Variants in DDX19A observed in about 807,000 individuals in gnomAD.
DDX19A encodes ATP-dependent RNA helicase DDX19A.
Under a neutral mutation model 60.6 loss-of-function variants are expected in DDX19A, and 12 were observed. The ratio of observed to expected loss-of-function variants is 0.20; its 90% CI spans 0.13 to 0.32. The LOEUF is 0.32. DDX19A is among the 10% of genes least tolerant of loss of function. The pLI, the probability that DDX19A is intolerant of heterozygous loss-of-function variation, is 1.00. For missense variants in DDX19A, 337 were observed against 600.6 expected (o/e 0.56, Z 4.59); for synonymous variants, 206 against 218.2 (o/e 0.94, Z 0.49).
chr16:70,365,200 C>G (rs533521616), intron 7 of DDX19A, 69 bp downstream of exon 7: 3 of 1,025,710 alleles, frequency 2.9e-6, no homozygotes, highest in East Asian at 4.8e-5. Flanking sequence ...TTTGAAGATG[C>G]GATGACCGTA....
At chr16:70,364,965 G>T in intron 6 of DDX19A, 52 bp from the exon 7 acceptor site, 1 of 1,456,692 alleles carries the variant, frequency 6.9e-7, no homozygotes. Context: ...GTGCCTTCAG[G>T]TCTGTTACCA....
At chr16:70,366,978 A>T in intron 9 of DDX19A, 117 bp downstream of exon 9, 1 of 1,228,852 alleles carries the variant, frequency 8.1e-7, no homozygotes, top group Non-Finnish European at 1.2e-6. Context: ...CTTTTTGAAG[A>T]TGTAAGAGAC....
chr16:70,354,393 C>T lies in DDX19A; in HGVS notation c.107-1092C>T, dbSNP rs1341360122. Among the ~76,000 whole-genome samples the T allele has an allele frequency of 5.9e-5, 9 of 152,128 alleles. No individual in the cohort carries two copies. In the East Asian group the frequency reaches 9.7e-4, roughly 16 times the overall value. On this transcript the variant is annotated intron_variant, in intron 2 of 11. Transcript: ENST00000302243. ...AACTCCCGACCTCAGGTGATCCACC[C>T]GCCTCAGCCTCCCAAAGTGCTGGAA...
chr16:70,355,412 A>C, intron 2 of DDX19A, 73 bp from the exon 3 acceptor site: 1 of 1,046,880 alleles, frequency 9.6e-7, no homozygotes, highest in Non-Finnish European at 1.5e-6. Context: ...CAGTGTATTT[A>C]TTTATATTGT....
At chr16:70,353,328 T>G (rs1464179223) in intron 2 of DDX19A, among the ~76,000 whole-genome samples, 1 of 151,898 alleles carries the variant, frequency 6.6e-6, no homozygotes, top group African/African-American at 2.4e-5. Flanking sequence ...TTACCCAGAC[T>G]GCTCTTGAAC....
rs750069313 is a variant in DDX19A, at chr16:70,371,463, G to T, written c.1275G>T (p.Arg425=). ...GNPDNETYLH[R]IGRTGRFGKR... ...CTGACAATGAGACCTACCTGCACCG[G>T]ATCGGGCGCACGGGCCGCTTTGGCA... The change falls in exon 11 of 12, where the codon CGG becomes CGT. Residue 425 remains arginine, a synonymous_variant. Transcript: ENST00000302243. The T allele has an allele frequency of 6.2e-7, 1 of 1,611,132 alleles. No individual in the cohort carries two copies. Among genetic ancestry groups the T allele is most frequent in the East Asian group, 2.2e-5 (1 of 44,848 alleles).
chr16:70,364,498 G>A, intron 5 of DDX19A, 45 bp from the exon 6 acceptor site: 1 of 1,424,938 alleles, frequency 7.0e-7, no homozygotes, highest in Non-Finnish European at 9.9e-7. Context: ...ACATGTTACT[G>A]AGTTTCACCA....
chr16:70,362,340 C>CA (rs566741768), intron 5 of DDX19A, among the ~76,000 whole-genome samples: 1,246 of 45,264 alleles, frequency 0.028, 17 homozygotes, highest in Middle Eastern at 0.034. Flanking sequence ...GACTCTGTCT[C>CA]AAAAAAAAAA....
chr16:70,366,332 G>C (rs537134667), intron 8 of DDX19A, 70 bp downstream of exon 8: 30 of 1,599,050 alleles, frequency 1.9e-5, no homozygotes, highest in Non-Finnish European at 2.4e-5. Context: ...CACTTCAGAC[G>C]CCTCCTCTGG....
At chr16:70,370,150 G>T (rs1312786648) in intron 9 of DDX19A, 73 bp from the exon 10 acceptor site, 33 of 1,518,194 alleles carry the variant, frequency 2.2e-5, no homozygotes, top group Non-Finnish European at 2.8e-5. Context: ...CTGAGTGACA[G>T]CAAGACTGTG....
intron 4 of DDX19A, among the ~76,000 whole-genome samples, chr16:70,358,889 A>G (rs1287221799): frequency 6.6e-6 from 1 of 152,180 alleles, no homozygotes; most frequent in African/African-American, 2.4e-5. Flanking sequence ...TTTCTCTGTC[A>G]AGGACTTTAT....
chr16:70,355,548 G>A lies in DDX19A; in HGVS notation c.157+13G>A, dbSNP rs995791165. 6.2e-7 allele frequency: 1 copy of A among 1,612,968 alleles called. No homozygotes were observed. The highest frequency in any genetic ancestry group is 1.1e-5 in the South Asian group (1 of 91,050). On this transcript the variant is annotated intron_variant, in intron 3 of 11. Coordinates refer to ENST00000302243, the MANE Select transcript of DDX19A (RefSeq NM_018332.5). ...GAAGAGGAGAAAGGTAACTACTTTT[G>A]GATGCCCTTGGCAAGAGACGGTATG...
intron 9 of DDX19A, among the ~76,000 whole-genome samples, chr16:70,368,487 T>A (rs1299221729): frequency 1.3e-5 from 2 of 152,064 alleles, no homozygotes; most frequent in East Asian, 3.9e-4. Context: ...CCCAGGCTTG[T>A]CTTGAACTGC....
Position 70,353,129 on chromosome 16 carries a change from C to CTTTTTT in DDX19A, c.107-2350_107-2345dup, listed in dbSNP as rs1308743627. Reference sequence around the variant, plus strand: ...TGCATTTGCGATTTTTTCTTTCTTTCTTTTTTTTTTTCTTTGAGATGGATT... The same window carrying CTTTTTT: ...TGCATTTGCGATTTTTTCTTTCTTTCTTTTTTTTTTTTTTTTTCTTTGAGATGGATT... On this transcript the variant is annotated intron_variant, in intron 2 of 11. Transcript: ENST00000302243. 6.4e-4 allele frequency among the ~76,000 whole-genome samples: 92 copies of CTTTTTT among 144,676 alleles called. 1 individual carries two copies. Among genetic ancestry groups the CTTTTTT allele is most frequent in the Middle Eastern group, 3.6e-3 (1 of 280 alleles). 94.9% of individuals were successfully genotyped at this position (144,676 alleles called of 152,430 possible).
chr16:70,368,358 C>A (rs1342819698), intron 9 of DDX19A, among the ~76,000 whole-genome samples: 1 of 151,832 alleles, frequency 6.6e-6, no homozygotes, highest in Admixed American at 6.6e-5. Context: ...CTGCAACCTC[C>A]GCCTCCTGGG....
At chr16:70,358,387 C>T (rs961005825) in intron 4 of DDX19A, among the ~76,000 whole-genome samples, 2 of 151,886 alleles carry the variant, frequency 1.3e-5, no homozygotes, top group African/African-American at 4.8e-5. Context: ...CCAGGTTGCT[C>T]CTGAACTCCT....
chr16:70,356,950 C>CAAAA, intron 4 of DDX19A: 45 of 476,328 alleles, frequency 9.4e-5, no homozygotes, highest in East Asian at 2.4e-4. Context: ...TTTTTTTTTA[C>CAAAA]AAAAAAAAAA....
chr16:70,359,496 A>G (rs1358102806), intron 4 of DDX19A, among the ~76,000 whole-genome samples: 1 of 152,206 alleles, frequency 6.6e-6, no homozygotes, highest in Non-Finnish European at 1.5e-5. Flanking sequence ...TAGAGGTAGC[A>G]GAGAGCTGAT....
chr16:70,371,157 A>C, intron 10 of DDX19A: 1 of 764,824 alleles, frequency 1.3e-6, no homozygotes, highest in Admixed American at 2.8e-5. Context: ...TTACCGACTG[A>C]TCTCATGATT....
Sources: allele counts gnomAD v4.1 joint callset (sites outside exome capture counted in the v4.1 genomes callset), GRCh38; gene constraint gnomAD v4.1.1; transcripts MANE v1.5; gene names NCBI Gene and HGNC (gene_info 2026-07-23, HGNC 2026-07-21).